The following NRXN1 variants were observed in gnomAD, a reference collection of about 807,000 sequenced individuals.
The protein encoded by NRXN1 is neurexin 1.
Under a neutral mutation model 150.9 loss-of-function variants are expected in NRXN1, and 39 were observed. The observed-to-expected ratio is 0.26, with a 90% confidence interval of 0.20 to 0.34. The LOEUF is 0.34. NRXN1 is among the 10% of genes least tolerant of loss of function. The pLI, the probability that NRXN1 is intolerant of heterozygous loss-of-function variation, is 1.00. For synonymous variants in NRXN1, 924 were observed against 757.0 expected, an observed-to-expected ratio of 1.22 and a Z score of -3.62; for missense variants, 1,815 against 1,949.9, an observed-to-expected ratio of 0.93 and a Z score of 1.30.
At chr2:50,286,448 C>T (rs1405048371) in intron 17 of NRXN1, among the ~76,000 whole-genome samples, 1 of 152,114 alleles carries the variant, frequency 6.6e-6, no homozygotes, top group East Asian at 1.9e-4. Flanking sequence ...CACATTGTTG[C>T]AATTGACAGA....
rs111562853 is a variant in NRXN1 at position 49,986,213 on chromosome 2, C to T, written c.4129-42422G>A. ...CTAGCATTTCTCTAAAGCAGCGATT[C>T]TCAATTTTGGTCTTAGATCTTATTG... On this transcript the variant is annotated intron_variant, in intron 21 of 22. Coordinates refer to ENST00000401669, the MANE Select transcript of NRXN1 (RefSeq NM_001330078.2). 8.1e-3 allele frequency among the ~76,000 whole-genome samples: 1,227 copies of T among 152,244 alleles called. 15 individuals carry two copies. Among genetic ancestry groups the T allele is most frequent in the African/African-American group, 0.028 (1,147 of 41,546 alleles).
intron 17 of NRXN1, among the ~76,000 whole-genome samples, chr2:50,254,309 T>TTC (rs1478750347): frequency 6.6e-6 from 1 of 151,738 alleles, no homozygotes; most frequent in Non-Finnish European, 1.5e-5. Context: ...TTCTCTTTTT[T>TTC]TTTATTAGTC....
chr2:50,121,090 T>C (rs1347875519), intron 18 of NRXN1, among the ~76,000 whole-genome samples: 1 of 152,246 alleles, frequency 6.6e-6, no homozygotes, highest in African/African-American at 2.4e-5. Context: ...AGTGGCACGA[T>C]GTCAGCTGAC....
chr2:50,720,225 T>C (rs1481225282), intron 5 of NRXN1, among the ~76,000 whole-genome samples: 1 of 152,102 alleles, frequency 6.6e-6, no homozygotes, highest in African/African-American at 2.4e-5. Flanking sequence ...TCTTGAACCT[T>C]GGAGGAGTTA....
intron 2 of NRXN1, among the ~76,000 whole-genome samples, chr2:50,946,476 T>C (rs1028974915): frequency 6.6e-6 from 1 of 152,066 alleles, no homozygotes; most frequent in Admixed American, 6.6e-5. Context: ...AAAACTAACT[T>C]TGAGGAAAGC....
intron 18 of NRXN1, among the ~76,000 whole-genome samples, chr2:50,207,335 T>G (rs1308311728): frequency 6.6e-6 from 1 of 152,136 alleles, no homozygotes; most frequent in East Asian, 1.9e-4. Context: ...ACAAGATGAA[T>G]TTTTTAAAAG....
intron 17 of NRXN1, among the ~76,000 whole-genome samples, chr2:50,354,554 CATATATATATATATATATATATAT>C (rs71404946): frequency 1.0e-5 from 1 of 100,132 alleles, no homozygotes; most frequent in African/African-American, 4.0e-5. Context: ...AGAGTGCATA[CATATATATATATATATATATATAT>C]ATATATATAC....
chr2:49,991,718 T>C (rs1251480130), intron 21 of NRXN1, among the ~76,000 whole-genome samples: 1 of 152,204 alleles, frequency 6.6e-6, no homozygotes, highest in Non-Finnish European at 1.5e-5. Flanking sequence ...TGGCAAGTTA[T>C]TTTGTGGATG....
Position 51,001,088 on chromosome 2 carries a change from T to C in NRXN1, c.772+26414A>G, listed in dbSNP as rs568451724. Among the ~76,000 whole-genome samples, 10 of 151,986 alleles carry C rather than the reference T, an allele frequency of 6.6e-5. No homozygotes were observed. In the East Asian group the frequency reaches 1.8e-3, roughly 27 times the overall value. The stretch of plus-strand genomic sequence containing the variant: ...AATTAGAATGCCTTTCCCCATTTGG[T>C]GAATGAATAGATTTTTGTGTTTTGT... On this transcript the variant is annotated intron_variant, in intron 2 of 22. Coordinates refer to ENST00000401669, the MANE Select transcript of NRXN1 (RefSeq NM_001330078.2).
At chr2:50,880,578 G>T (rs1408341666) in intron 5 of NRXN1, among the ~76,000 whole-genome samples, 1 of 151,874 alleles carries the variant, frequency 6.6e-6, no homozygotes, top group Non-Finnish European at 1.5e-5. Context: ...TCATTTAATT[G>T]TCATTATGGT....
intron 5 of NRXN1, among the ~76,000 whole-genome samples, chr2:50,713,842 A>T (rs1186390555): frequency 6.6e-6 from 1 of 152,184 alleles, no homozygotes; most frequent in Admixed American, 6.5e-5. Context: ...ATGTCATAGG[A>T]TCCTGGTCTT....
At chr2:50,044,511 G>A (rs987402699) in intron 21 of NRXN1, among the ~76,000 whole-genome samples, 6 of 152,134 alleles carry the variant, frequency 3.9e-5, no homozygotes, top group Non-Finnish European at 5.9e-5. Flanking sequence ...CACTTAAGAC[G>A]TGAAACACTT....
intron 17 of NRXN1, among the ~76,000 whole-genome samples, chr2:50,378,442 T>A (rs190620992): frequency 6.6e-6 from 1 of 152,254 alleles, no homozygotes; most frequent in African/African-American, 2.4e-5. Context: ...GAGCTTACAG[T>A]TGGGCAAAAT....
chr2:50,703,894 G>T (rs1041990758), intron 5 of NRXN1, among the ~76,000 whole-genome samples: 3 of 152,038 alleles, frequency 2.0e-5, no homozygotes, highest in Non-Finnish European at 4.4e-5. Flanking sequence ...TCGTTTCTAC[G>T]TGGTAAAGGC....
intron 18 of NRXN1, among the ~76,000 whole-genome samples, chr2:50,187,608 G>GT (rs1397903937): frequency 3.3e-5 from 5 of 151,962 alleles, no homozygotes; most frequent in East Asian, 1.9e-4. Flanking sequence ...TTAAAGCAGA[G>GT]TTTTTTTCTA....
intron 21 of NRXN1, among the ~76,000 whole-genome samples, chr2:50,008,066 T>C (rs74410944): frequency 0.1 from 15,592 of 152,212 alleles, 831 homozygotes; most frequent in Middle Eastern, 0.21. Flanking sequence ...TTTAAATGTG[T>C]ATAACCATCA....
chr2:50,625,234 A>T (rs562813593), intron 5 of NRXN1, among the ~76,000 whole-genome samples: 1 of 152,184 alleles, frequency 6.6e-6, no homozygotes, highest in South Asian at 2.1e-4. Context: ...TCAGTGCCAG[A>T]TGATCTGCCT....
chr2:49,991,828 C>T (rs75395585), intron 21 of NRXN1, among the ~76,000 whole-genome samples: 15,229 of 152,210 alleles, frequency 0.1, 806 homozygotes, highest in Middle Eastern at 0.2. Context: ...CTGACATCAT[C>T]TAACGTCAAG....
intron 21 of NRXN1, among the ~76,000 whole-genome samples, chr2:49,961,320 GCACACA>G (rs71401054): frequency 7.5e-5 from 11 of 145,854 alleles, no homozygotes; most frequent in Admixed American, 2.8e-4. Flanking sequence ...GCGCACGCAT[GCACACA>G]CACACACACA....
Sources: allele counts gnomAD v4.1 joint callset (sites outside exome capture counted in the v4.1 genomes callset), GRCh38; gene constraint gnomAD v4.1.1; transcripts MANE v1.5; gene names NCBI Gene and HGNC (gene_info 2026-07-23, HGNC 2026-07-21).